The following USP9X variants were observed in gnomAD, a reference collection of about 807,000 sequenced individuals.
The protein encoded by USP9X is ubiquitin specific peptidase 9 X-linked.
In USP9X, 7 loss-of-function variants were observed where a neutral mutation model predicts 190.3. The observed-to-expected ratio is 0.04, with a 90% CI of 0.02 to 0.07. USP9X has a LOEUF of 0.07. Among genes scored for constraint, USP9X ranks in the 10% least tolerant of loss-of-function variants. USP9X has a pLI of 1.00. For missense variants in USP9X, 1,010 were observed against 1,916.9 expected (o/e 0.53, Z 8.83); for synonymous variants, 645 against 659.5 (o/e 0.98, Z 0.34).
At chrX:41,218,618 C>A in intron 37 of USP9X, 21 bp downstream of exon 37, 1 of 1,170,834 alleles carries the variant, frequency 8.5e-7, no homozygotes. Context: ...AGCTTTCTTT[C>A]TAAATGATGA....
intron 29 of USP9X, 59 bp downstream of exon 29, chrX:41,197,569 C>CA (rs2062996220): frequency 2.9e-6 from 3 of 1,023,038 alleles, no homozygotes; most frequent in Middle Eastern, 3.1e-4. Flanking sequence ...TGTTTATAAT[C>CA]AAATTTAATT....
At chrX:41,227,740 A>G (rs1414965048) in intron 41 of USP9X, among the ~76,000 whole-genome samples, 2 of 109,583 alleles carry the variant, frequency 1.8e-5, no homozygotes, top group East Asian at 5.8e-4. Context: ...TCACTCTGTC[A>G]CCCAGGCTGG....
chrX:41,230,438 AAAAGTT>A, intron 43 of USP9X, 57 bp from the exon 44 acceptor site: 4 of 1,062,395 alleles, frequency 3.8e-6, no homozygotes, highest in Admixed American at 2.4e-5. Context: ...TTCAAATAGA[AAAAGTT>A]AAAAGTAAAC....
intron 24 of USP9X, among the ~76,000 whole-genome samples, chrX:41,186,998 T>A (rs1193427852): frequency 1.0e-5 from 1 of 99,157 alleles, no homozygotes; most frequent in Non-Finnish European, 2.0e-5. Flanking sequence ...CATGCCCGGC[T>A]ATTTTTTTAT....
At chrX:41,195,132 G>A (rs1325263567) in intron 26 of USP9X, among the ~76,000 whole-genome samples, 3 of 109,334 alleles carry the variant, frequency 2.7e-5, no homozygotes, top group Non-Finnish European at 5.7e-5. Context: ...CGCCTTCCGG[G>A]TTCAAGCAAT....
chrX:41,115,852 A>G (rs1162456513), intron 1 of USP9X, among the ~76,000 whole-genome samples: 1 of 111,929 alleles, frequency 8.9e-6, no homozygotes, highest in Non-Finnish European at 1.9e-5. Context: ...AACGTGCTGT[A>G]TAAAAGGAGA....
At chrX:41,170,358 T>C in intron 19 of USP9X, 112 bp from the exon 20 acceptor site, 5 of 1,069,779 alleles carry the variant, frequency 4.7e-6, no homozygotes, top group Non-Finnish European at 6.3e-6. Flanking sequence ...GTTATAGCAT[T>C]AAAGTATAGC....
intron 32 of USP9X, among the ~76,000 whole-genome samples, chrX:41,208,476 CAT>C (rs779629839): frequency 8.9e-6 from 1 of 112,180 alleles, no homozygotes; most frequent in African/African-American, 3.2e-5. Flanking sequence ...ACTTTAGACA[CAT>C]AATCTACTCT....
chrX:41,095,541 T>A (rs913472237), intron 1 of USP9X, among the ~76,000 whole-genome samples: 1 of 111,917 alleles, frequency 8.9e-6, no homozygotes, highest in Middle Eastern at 4.6e-3. Context: ...TTATTTGAAA[T>A]GGAGCAATGC....
chrX:41,111,867 C>T (rs1248353228), intron 1 of USP9X, among the ~76,000 whole-genome samples: 9 of 97,542 alleles, frequency 9.2e-5, no homozygotes, highest in African/African-American at 3.5e-4. Flanking sequence ...TTTTTTGAGA[C>T]GGAGTTTCAC....
chrX:41,186,416 G>T, intron 23 of USP9X, 101 bp from the exon 24 acceptor site: 1 of 975,460 alleles, frequency 1.0e-6, no homozygotes, highest in South Asian at 2.1e-5. Flanking sequence ...GTATATGCAA[G>T]GAAGTCGTTC....
At position 41,085,858 on chromosome X, in the gene USP9X, CG is replaced by C; in HGVS notation, c.-409del. 1 of 298,875 alleles carries C rather than the reference CG, an allele frequency of 3.3e-6. No homozygotes were observed. Among genetic ancestry groups the C allele is most frequent in the Non-Finnish European group, 5.8e-6 (1 of 170,959 alleles). The allele number at this position is 298,875 out of a possible 1,213,427, so 24.6% of individuals were successfully genotyped here. A position where few individuals can be genotyped will look rare whatever the true frequency, so the allele number is the denominator to read the frequency against. On this transcript the variant is annotated 5_prime_UTR_variant, in exon 1 of 45. Transcript: ENST00000378308. ...CCTGAGGGGAGAAGGGGAAGAGGGC[CG>C]TCGCCGGCCAAGGAGGAGGAGGAGG...
chrX:41,227,734 T>C (rs907520119), intron 41 of USP9X, among the ~76,000 whole-genome samples: 53 of 109,895 alleles, frequency 4.8e-4, no homozygotes, highest in Non-Finnish European at 8.7e-4. Flanking sequence ...GGAGTCTCAC[T>C]CTGTCACCCA....
In USP9X at chrX:41,225,033, T is replaced by C. The variant is rs1175582849; in HGVS notation, c.6973-16T>C. ...TCCTTTCATTAAGTTACTCACCATG[T>C]CTTACTTGTTTTTAGGTTGCATATT... On this transcript the variant is annotated splice_polypyrimidine_tract_variant and intron_variant, in intron 40 of 44. Coordinates refer to ENST00000378308, the MANE Select transcript of USP9X (RefSeq NM_001039591.3). 1 of 1,210,161 alleles carries C rather than the reference T, an allele frequency of 8.3e-7. No individual in the cohort carries two copies. Among genetic ancestry groups the C allele is most frequent in the Non-Finnish European group, 1.1e-6 (1 of 894,137 alleles).
chrX:41,126,463 C>G (rs955833641), intron 2 of USP9X, among the ~76,000 whole-genome samples: 1 of 111,585 alleles, frequency 9.0e-6, no homozygotes, highest in African/African-American at 3.3e-5. Context: ...CCTGCATTGT[C>G]CATGGAATTC....
chrX:41,217,760 C>G (rs931587890), intron 36 of USP9X, among the ~76,000 whole-genome samples: 14 of 111,091 alleles, frequency 1.3e-4, no homozygotes, highest in East Asian at 5.7e-4. Flanking sequence ...TATGGTGGCG[C>G]ACACCTGTAA....
At chrX:41,097,530 C>T in intron 1 of USP9X, among the ~76,000 whole-genome samples, 2 of 111,900 alleles carry the variant, frequency 1.8e-5, no homozygotes, top group Middle Eastern at 9.2e-3. Context: ...TGATGATTTA[C>T]TGTATTAGAA....
Position 41,215,550 on chromosome X carries a change from A to G in USP9X, c.5332-349A>G, listed in dbSNP as rs10482544. ...ACTTGTGCGGCACTTAGTATATATT[A>G]CCTGGCATCTGAATTACCCAACAAA... On this transcript the variant is annotated intron_variant, in intron 34 of 44. Transcript: ENST00000378308. Among the ~76,000 whole-genome samples the G allele has an allele frequency of 2.8e-3, 321 of 112,657 alleles. 1 individual carries two copies. The highest frequency in any genetic ancestry group is 9.9e-3 in the African/African-American group (307 of 31,080).
At chrX:41,175,699 C>T (rs146438350) in intron 21 of USP9X, among the ~76,000 whole-genome samples, 222 of 110,354 alleles carry the variant, frequency 2.0e-3, no homozygotes, top group African/African-American at 6.8e-3. Flanking sequence ...ATTGTTGCTC[C>T]CTGGCTCTCT....
Sources: allele counts gnomAD v4.1 joint callset (sites outside exome capture counted in the v4.1 genomes callset), GRCh38; gene constraint gnomAD v4.1.1; transcripts MANE v1.5; gene names NCBI Gene and HGNC (gene_info 2026-07-23, HGNC 2026-07-21).